The following CHST9 variants were observed in gnomAD, a reference collection of about 807,000 sequenced individuals.
CHST9 encodes the protein carbohydrate sulfotransferase 9.
In CHST9, 41 loss-of-function variants were observed where a neutral mutation model predicts 44.4. That is an observed-to-expected ratio of 0.92 (90% CI 0.72 to 1.20). The LOEUF is 1.20. CHST9 is among the 50% of genes most tolerant of loss of function. The pLI is 0.00. For missense variants in CHST9, 504 were observed against 516.5 expected, an observed-to-expected ratio of 0.98 and a Z score of 0.23; for synonymous variants, 171 against 178.4, an observed-to-expected ratio of 0.96 and a Z score of 0.33.
At chr18:27,174,365 C>T (rs2058852809) in intron 1 of CHST9, among the ~76,000 whole-genome samples, 1 of 151,836 alleles carries the variant, frequency 6.6e-6, no homozygotes, top group African/African-American at 2.4e-5. Flanking sequence ...CGTGATTAGA[C>T]TCAGGTTAAA....
chr18:26,928,229 T>G (rs2055810569), intron 5 of CHST9: 1 of 153,568 alleles, frequency 6.5e-6, no homozygotes, highest in South Asian at 2.1e-4. Context: ...CTTCTCTTTC[T>G]TTTCCCCACA....
At chr18:27,137,308 G>A (rs11083197) in intron 2 of CHST9, among the ~76,000 whole-genome samples, 1,590 of 5,578 alleles carry the variant, frequency 0.29, 51 homozygotes, top group East Asian at 0.46. Context: ...TTATATATGT[G>A]TGTGTGTGTG....
intron 4 of CHST9, among the ~76,000 whole-genome samples, chr18:26,984,706 C>T (rs979736519): frequency 8.2e-5 from 7 of 84,968 alleles, no homozygotes; most frequent in African/African-American, 2.7e-4. Context: ...AGAGAATCTT[C>T]ATAAAAGAGG....
intron 5 of CHST9, among the ~76,000 whole-genome samples, chr18:26,939,798 C>G (rs901539192): frequency 1.3e-5 from 2 of 152,180 alleles, no homozygotes; most frequent in Admixed American, 6.5e-5. Flanking sequence ...CATCTGCCCC[C>G]ATCAAGGATG....
chr18:27,098,388 G>C (rs1023821111), intron 2 of CHST9, among the ~76,000 whole-genome samples: 21 of 152,050 alleles, frequency 1.4e-4, no homozygotes, highest in African/African-American at 5.1e-4. Context: ...GTGGAAGATG[G>C]CGTGGTGATT....
chr18:27,173,913 CA>C (rs1195649663), intron 1 of CHST9, among the ~76,000 whole-genome samples: 1 of 151,820 alleles, frequency 6.6e-6, no homozygotes, highest in Non-Finnish European at 1.5e-5. Flanking sequence ...AACATTTTGC[CA>C]TAATTATTTG....
At chr18:27,182,352 C>T (rs1222156777) in intron 1 of CHST9, among the ~76,000 whole-genome samples, 3 of 152,032 alleles carry the variant, frequency 2.0e-5, no homozygotes, top group Non-Finnish European at 2.9e-5. Flanking sequence ...AGAATCTTAA[C>T]GCTTTCAGGG....
chr18:27,109,501 A>G (rs562272648), intron 2 of CHST9, among the ~76,000 whole-genome samples: 6 of 152,354 alleles, frequency 3.9e-5, no homozygotes, highest in African/African-American at 1.4e-4. Flanking sequence ...AAGGGCATGC[A>G]GCCACAGTTG....
intron 2 of CHST9, among the ~76,000 whole-genome samples, chr18:27,135,581 C>T (rs1302454046): frequency 6.6e-6 from 1 of 152,152 alleles, no homozygotes; most frequent in Non-Finnish European, 1.5e-5. Context: ...AAAGTCAGTA[C>T]CTCTGGGTCA....
chr18:27,115,973 T>C (rs1189681473), intron 2 of CHST9, among the ~76,000 whole-genome samples: 1 of 152,224 alleles, frequency 6.6e-6, no homozygotes, highest in Non-Finnish European at 1.5e-5. Context: ...ATCCTTTTCC[T>C]GTTTTTTAAT....
At chr18:27,007,424 G>A (rs1264156156) in intron 4 of CHST9, among the ~76,000 whole-genome samples, 1 of 152,232 alleles carries the variant, frequency 6.6e-6, no homozygotes, top group Admixed American at 6.5e-5. Flanking sequence ...CAGGGGTGAG[G>A]CAGGTAGCAC....
chr18:27,117,249 A>G (rs963791187), intron 2 of CHST9, among the ~76,000 whole-genome samples: 2 of 152,146 alleles, frequency 1.3e-5, no homozygotes, highest in African/African-American at 4.8e-5. Flanking sequence ...TTAAATTAAT[A>G]AACTAAATTT....
intron 2 of CHST9, among the ~76,000 whole-genome samples, chr18:27,118,866 C>G (rs945056015): frequency 6.6e-6 from 1 of 152,178 alleles, no homozygotes; most frequent in Non-Finnish European, 1.5e-5. Context: ...GTATGCAAAT[C>G]AAAATCTCTG....
rs145931838 is a variant in CHST9, at chr18:27,042,708, A to T, written c.160+5757T>A. On this transcript the variant is annotated intron_variant, in intron 3 of 5. Transcript: ENST00000618847. ...GAAGATACTGGGCGCAGAGCCTGAA[A>T]ATAGTGGTTCAATAAACATCAGTTC... Among the ~76,000 whole-genome samples, 825 of 152,206 alleles carry T rather than the reference A, an allele frequency of 5.4e-3. 9 individuals carry two copies. The highest frequency in any genetic ancestry group is 0.019 in the African/African-American group (795 of 41,548).
At chr18:27,066,174 C>T (rs919316726) in intron 2 of CHST9, among the ~76,000 whole-genome samples, 9 of 152,288 alleles carry the variant, frequency 5.9e-5, no homozygotes, top group South Asian at 2.1e-4. Context: ...CTTGCTGCAA[C>T]GCAGCTATTA....
At chr18:27,144,188 G>A (rs1396124093) in intron 1 of CHST9, among the ~76,000 whole-genome samples, 1 of 152,284 alleles carries the variant, frequency 6.6e-6, no homozygotes, top group African/African-American at 2.4e-5. Flanking sequence ...TTTCTTAAAT[G>A]TGAAGATATC....
At chr18:27,101,289 T>C (rs1344389117) in intron 2 of CHST9, among the ~76,000 whole-genome samples, 1 of 152,192 alleles carries the variant, frequency 6.6e-6, no homozygotes, top group Non-Finnish European at 1.5e-5. Flanking sequence ...ACTTTCTTTT[T>C]ACATAGTAGT....
chr18:27,026,866 T>C (rs186887484), intron 3 of CHST9, among the ~76,000 whole-genome samples: 117 of 152,368 alleles, frequency 7.7e-4, no homozygotes, highest in Non-Finnish European at 1.4e-3. Context: ...AATTAAGACT[T>C]AATTTAGATA....
intron 2 of CHST9, among the ~76,000 whole-genome samples, chr18:27,107,784 T>C (rs538161535): frequency 1.3e-5 from 2 of 152,298 alleles, no homozygotes; most frequent in Admixed American, 6.5e-5. Flanking sequence ...TAAATACCTA[T>C]CTCCAGAACT....
Sources: gnomAD v4.1 joint callset for allele counts (sites outside exome capture counted in the v4.1 genomes callset) on GRCh38, gnomAD v4.1.1 for gene constraint, MANE v1.5 for transcripts, NCBI Gene and HGNC (gene_info 2026-07-23, HGNC 2026-07-21) for gene names.